CHRM3: variants seen among roughly 807,000 people sequenced by gnomAD.
The protein encoded by CHRM3 is cholinergic receptor muscarinic 3, also known as muscarinic acetylcholine receptor M3.
In CHRM3, 11 loss-of-function variants were observed where a neutral mutation model predicts 41.8. The ratio of observed to expected loss-of-function variants is 0.26; its 90% CI spans 0.17 to 0.44. The LOEUF (loss-of-function observed/expected upper bound fraction) is 0.44, where lower values mean the gene tolerates loss of function less well. CHRM3 is among the 20% of genes least tolerant of loss of function. The probability of loss-of-function intolerance (pLI) is 1.00; values close to 1 mark genes in which losing one functional copy is unlikely to be tolerated. For synonymous variants in CHRM3, 297 were observed against 301.4 expected, an observed-to-expected ratio of 0.99 and a Z score of 0.15; for missense variants, 571 against 745.4, an observed-to-expected ratio of 0.77 and a Z score of 2.72.
intron 4 of CHRM3, among the ~76,000 whole-genome samples, chr1:239,646,644 G>A (rs967719103): frequency 2.6e-5 from 4 of 152,094 alleles, no homozygotes; most frequent in African/African-American, 4.8e-5. Context: ...GCACTGCAAG[G>A]GATCATGGGT....
At chr1:239,390,844 A>C (rs2102912806) in intron 1 of CHRM3, among the ~76,000 whole-genome samples, 1 of 152,338 alleles carries the variant, frequency 6.6e-6, no homozygotes, top group African/African-American at 2.4e-5. Context: ...CAAGAAATAA[A>C]AATAATTTTG....
At chr1:239,871,210 TGTATAGG>T (rs1000581030) in intron 6 of CHRM3, among the ~76,000 whole-genome samples, 11 of 152,162 alleles carry the variant, frequency 7.2e-5, no homozygotes, top group African/African-American at 2.2e-4. Context: ...CTATATCCTG[TGTATAGG>T]GTATAGGGTA....
chr1:239,419,889 C>A (rs781339318), intron 1 of CHRM3, among the ~76,000 whole-genome samples: 30 of 152,156 alleles, frequency 2.0e-4, no homozygotes, highest in Non-Finnish European at 3.1e-4. Flanking sequence ...TTTATTTACA[C>A]CTTTCTCTCA....
intron 3 of CHRM3, among the ~76,000 whole-genome samples, chr1:239,603,268 C>A (rs1260935583): frequency 6.6e-6 from 1 of 151,890 alleles, no homozygotes; most frequent in African/African-American, 2.4e-5. Context: ...TTTGTAGAGT[C>A]CTTACAATTA....
At chr1:239,480,741 G>A (rs1043956124) in intron 1 of CHRM3, among the ~76,000 whole-genome samples, 10 of 151,756 alleles carry the variant, frequency 6.6e-5, no homozygotes, top group Non-Finnish European at 1.2e-4. Flanking sequence ...TACTTTTTTA[G>A]TAGAGACAGA....
rs1437532572 is a variant in CHRM3, at chr1:239,433,686, A to G, written c.-521+46459A>G. On this transcript the variant is annotated intron_variant, in intron 1 of 6. Transcript: ENST00000676153. ...TTTGCATCCTCATAGCTTAGCTCCT[A>G]CTTATGAACGAAGACATATGATGTT... Among the ~76,000 whole-genome samples, 10 of 150,198 alleles carry G rather than the reference A, an allele frequency of 6.7e-5. No individual in the cohort carries two copies. The South Asian group carries it at 1.9e-3, about 28-fold the overall frequency.
chr1:239,443,001 T>G (rs1663850787), intron 1 of CHRM3, among the ~76,000 whole-genome samples: 1 of 152,230 alleles, frequency 6.6e-6, no homozygotes, highest in Non-Finnish European at 1.5e-5. Flanking sequence ...CAATTTTAAT[T>G]TAATAGAGCC....
chr1:239,549,745 C>A (rs2148433078), intron 3 of CHRM3, among the ~76,000 whole-genome samples: 1 of 151,492 alleles, frequency 6.6e-6, no homozygotes, highest in African/African-American at 2.4e-5. Context: ...ATGAGAATCT[C>A]TAAAAACTAA....
At chr1:239,437,373 T>C (rs1572294703) in intron 1 of CHRM3, among the ~76,000 whole-genome samples, 1 of 152,304 alleles carries the variant, frequency 6.6e-6, no homozygotes, top group South Asian at 2.1e-4. Context: ...ATTATAGGCA[T>C]GAGCCACCAC....
intron 1 of CHRM3, among the ~76,000 whole-genome samples, chr1:239,443,970 C>G (rs1016533871): frequency 6.6e-6 from 1 of 152,136 alleles, no homozygotes; most frequent in Non-Finnish European, 1.5e-5. Flanking sequence ...CAAAATCCAT[C>G]TATATTTATT....
chr1:239,779,141 C>G (rs953523215), intron 5 of CHRM3, among the ~76,000 whole-genome samples: 14 of 151,810 alleles, frequency 9.2e-5, no homozygotes, highest in African/African-American at 3.4e-4. Context: ...TTGTTTGTTT[C>G]TTTGTTTTTT....
chr1:239,701,988 A>C (rs1156606086), intron 5 of CHRM3, among the ~76,000 whole-genome samples: 2 of 152,144 alleles, frequency 1.3e-5, no homozygotes, highest in Non-Finnish European at 2.9e-5. Context: ...TCTAGATAAT[A>C]ATTTTTCTAT....
At chr1:239,437,212 C>T (rs1235304077) in intron 1 of CHRM3, among the ~76,000 whole-genome samples, 5 of 152,322 alleles carry the variant, frequency 3.3e-5, no homozygotes, top group East Asian at 1.9e-4. Flanking sequence ...CTGCTGGGCT[C>T]GAGCAGTCCT....
chr1:239,851,063 C>A (rs1405150019), intron 6 of CHRM3, among the ~76,000 whole-genome samples: 1 of 152,094 alleles, frequency 6.6e-6, no homozygotes, highest in African/African-American at 2.4e-5. Flanking sequence ...ATGAGAAAAT[C>A]AGAGCTAACC....
At chr1:239,636,367 C>T (rs991533886) in intron 4 of CHRM3, among the ~76,000 whole-genome samples, 1 of 152,196 alleles carries the variant, frequency 6.6e-6, no homozygotes, top group Non-Finnish European at 1.5e-5. Context: ...CTGTGCCAGG[C>T]ATTTCCCTTA....
At chr1:239,732,900 A>T (rs1007905992) in intron 5 of CHRM3, among the ~76,000 whole-genome samples, 2 of 151,568 alleles carry the variant, frequency 1.3e-5, no homozygotes, top group African/African-American at 4.8e-5. Flanking sequence ...TATCACTTAG[A>T]TAAGTATACC....
At chr1:239,670,335 AAAT>A (rs1235534378) in intron 4 of CHRM3, among the ~76,000 whole-genome samples, 1 of 152,108 alleles carries the variant, frequency 6.6e-6, no homozygotes, top group Non-Finnish European at 1.5e-5. Flanking sequence ...AGCTTTATAA[AAAT>A]AAAATCATAG....
intron 3 of CHRM3, among the ~76,000 whole-genome samples, chr1:239,608,279 A>T (rs577066927): frequency 6.6e-6 from 1 of 152,320 alleles, no homozygotes; most frequent in African/African-American, 2.4e-5. Context: ...TAGGTGTAGG[A>T]TGCAGCCCAA....
At position 239,499,821 on chromosome 1, in the gene CHRM3, C is replaced by A. The variant is rs536519376; in HGVS notation, c.-422+7014C>A. On this transcript the variant is annotated intron_variant, in intron 2 of 6. Coordinates refer to ENST00000676153, the MANE Select transcript of CHRM3 (RefSeq NM_001375978.1). Reference sequence around the variant, plus strand: ...CCCTACAAGCTAGAAGGGATTGGGGCCCTATCTTCAGCCTCCTCAAACAAA... The same window carrying A: ...CCCTACAAGCTAGAAGGGATTGGGGACCTATCTTCAGCCTCCTCAAACAAA... 1.2e-4 allele frequency among the ~76,000 whole-genome samples: 19 copies of A among 152,220 alleles called. No homozygotes were observed. The East Asian group carries it at 2.5e-3, about 20-fold the overall frequency.
Sources: allele counts gnomAD v4.1 joint callset (sites outside exome capture counted in the v4.1 genomes callset), GRCh38; gene constraint gnomAD v4.1.1; transcripts MANE v1.5; gene names NCBI Gene and HGNC (gene_info 2026-07-23, HGNC 2026-07-21).